The following TMEFF2 variants were observed in gnomAD, a reference collection of about 807,000 sequenced individuals.
The protein encoded by TMEFF2 is tomoregulin-2.
A neutral mutation model predicts 53.8 loss-of-function variants in TMEFF2; 28 were observed. The ratio of observed to expected loss-of-function variants is 0.52; its 90% CI spans 0.39 to 0.71. The LOEUF (loss-of-function observed/expected upper bound fraction) is 0.71, where lower values mean the gene tolerates loss of function less well. TMEFF2 is among the 30% of genes least tolerant of loss of function. TMEFF2 has a pLI of 0.00. For missense variants in TMEFF2, 353 were observed against 455.2 expected (o/e 0.78, Z 2.04); for synonymous variants, 162 against 166.3 (o/e 0.97, Z 0.20).
chr2:192,166,198 T>C (rs1690762480), intron 4 of TMEFF2, among the ~76,000 whole-genome samples: 1 of 152,130 alleles, frequency 6.6e-6, no homozygotes, highest in South Asian at 2.1e-4. Context: ...GCATTGACAT[T>C]GTTTGTCTTC....
intron 4 of TMEFF2, among the ~76,000 whole-genome samples, chr2:192,172,269 T>C (rs868335043): frequency 6.6e-6 from 1 of 151,922 alleles, no homozygotes; most frequent in African/African-American, 2.4e-5. Flanking sequence ...TCTTCCCTTC[T>C]GCAGATTCTG....
At chr2:192,058,503 A>G (rs890258426) in intron 4 of TMEFF2, among the ~76,000 whole-genome samples, 3 of 152,124 alleles carry the variant, frequency 2.0e-5, no homozygotes, top group African/African-American at 7.2e-5. Context: ...CCTCTAAATT[A>G]CAAGTGCAAA....
intron 7 of TMEFF2, among the ~76,000 whole-genome samples, chr2:191,996,070 A>G (rs1247114762): frequency 6.6e-6 from 1 of 151,966 alleles, no homozygotes; most frequent in Non-Finnish European, 1.5e-5. Context: ...ATTAGAGATA[A>G]TCTGTTTAAA....
At chr2:191,991,232 C>CTGT (rs1425163325) in intron 7 of TMEFF2, among the ~76,000 whole-genome samples, 23 of 152,118 alleles carry the variant, frequency 1.5e-4, no homozygotes, top group Admixed American at 3.9e-4. Context: ...TTGCAACAAG[C>CTGT]TGTTAGATGA....
rs1691800459 is a variant in TMEFF2, at chr2:191,949,394, A to G, written c.*917T>C. ...TTAGCCACAAAGCTATTCATGGGGT[A>G]TTGGTTGTGATTCTAACTTCTTTTC... On this transcript the variant is annotated 3_prime_UTR_variant, in exon 10 of 10. Coordinates refer to ENST00000272771, the MANE Select transcript of TMEFF2 (RefSeq NM_016192.4). 2.0e-6 allele frequency: 2 copies of G among 985,286 alleles called. No individual in the cohort carries two copies. Among genetic ancestry groups the G allele is most frequent in the South Asian group, 9.4e-5 (2 of 21,294 alleles). 61.0% of individuals were successfully genotyped at this position (985,286 alleles called of 1,614,324 possible).
chr2:192,019,013 G>C (rs1686802901), intron 5 of TMEFF2, among the ~76,000 whole-genome samples: 1 of 151,476 alleles, frequency 6.6e-6, no homozygotes, highest in South Asian at 2.1e-4. Flanking sequence ...TGTAATGCTT[G>C]GTGTTTAAAG....
At chr2:192,037,337 A>AAAGACAG (rs1559096581) in intron 5 of TMEFF2, among the ~76,000 whole-genome samples, 1 of 88,200 alleles carries the variant, frequency 1.1e-5, no homozygotes, top group East Asian at 4.9e-4. Flanking sequence ...AAGAAAGAAA[A>AAAGACAG]ACAGAAAACA....
At chr2:192,020,833 A>G (rs1031439507) in intron 5 of TMEFF2, among the ~76,000 whole-genome samples, 3 of 152,140 alleles carry the variant, frequency 2.0e-5, no homozygotes, top group Non-Finnish European at 2.9e-5. Flanking sequence ...CAAAGTATCA[A>G]TTATAATATA....
intron 5 of TMEFF2, among the ~76,000 whole-genome samples, chr2:192,018,738 T>A (rs987489194): frequency 6.6e-6 from 1 of 152,206 alleles, no homozygotes; most frequent in Admixed American, 6.5e-5. Flanking sequence ...TTTAAACATT[T>A]TAAATTCGTG....
At chr2:192,045,824 C>A (rs1227435215) in intron 5 of TMEFF2, among the ~76,000 whole-genome samples, 1 of 152,180 alleles carries the variant, frequency 6.6e-6, no homozygotes, top group Non-Finnish European at 1.5e-5. Flanking sequence ...ATGGAAGAGA[C>A]AGCAGTTTGT....
chr2:192,077,308 C>T (rs1009325338), intron 4 of TMEFF2, among the ~76,000 whole-genome samples: 1 of 152,024 alleles, frequency 6.6e-6, no homozygotes, highest in South Asian at 2.1e-4. Flanking sequence ...AAGAAAATGC[C>T]TCAAGTACTC....
intron 5 of TMEFF2, among the ~76,000 whole-genome samples, chr2:192,050,678 C>A (rs2105896071): frequency 6.6e-6 from 1 of 152,258 alleles, no homozygotes; most frequent in Non-Finnish European, 1.5e-5. Context: ...TGACCCTGGG[C>A]ATTGTTTAAT....
intron 4 of TMEFF2, among the ~76,000 whole-genome samples, chr2:192,111,687 T>C (rs1209712646): frequency 6.6e-6 from 1 of 152,094 alleles, no homozygotes; most frequent in East Asian, 1.9e-4. Flanking sequence ...ATGGGGAAAA[T>C]GTCTCCAGGG....
In TMEFF2 at chr2:192,160,005, G is replaced by C. The variant is rs150933811; in HGVS notation, c.439+19663C>G. On this transcript the variant is annotated intron_variant, in intron 4 of 9. Transcript: ENST00000272771. ...ATTTCCTTTGGCAACGAAATGAATA[G>C]ACTCTATTGCTGCCAGAGGTTTAGT... Among the ~76,000 whole-genome samples, 197 of 152,244 alleles carry C rather than the reference G, an allele frequency of 1.3e-3. 1 individual carries two copies. Among genetic ancestry groups the C allele is most frequent in the African/African-American group, 4.4e-3 (182 of 41,554 alleles).
chr2:192,109,290 A>G (rs1689222166), intron 4 of TMEFF2, among the ~76,000 whole-genome samples: 1 of 152,108 alleles, frequency 6.6e-6, no homozygotes, highest in Non-Finnish European at 1.5e-5. Context: ...TTTTTAAAAA[A>G]TCAGCAGACA....
intron 4 of TMEFF2, among the ~76,000 whole-genome samples, chr2:192,091,376 C>T (rs773100137): frequency 2.6e-5 from 4 of 152,104 alleles, no homozygotes; most frequent in Non-Finnish European, 5.9e-5. Context: ...TCAATACCCT[C>T]CTCCCCTGCC....
intron 5 of TMEFF2, among the ~76,000 whole-genome samples, chr2:192,055,924 G>A (rs572951237): frequency 1.3e-5 from 2 of 152,098 alleles, no homozygotes; most frequent in African/African-American, 2.4e-5. Context: ...TGTTTGACAG[G>A]CATGAAAACT....
chr2:192,130,066 C>T (rs1689777463), intron 4 of TMEFF2, among the ~76,000 whole-genome samples: 1 of 152,098 alleles, frequency 6.6e-6, no homozygotes, highest in African/African-American at 2.4e-5. Flanking sequence ...TTTTTAAAGA[C>T]TAAAACTGTC....
chr2:192,033,128 G>A (rs1687185570), intron 5 of TMEFF2, among the ~76,000 whole-genome samples: 1 of 152,156 alleles, frequency 6.6e-6, no homozygotes, highest in Non-Finnish European at 1.5e-5. Context: ...TTAAGTGTCT[G>A]CTTTGGAGTC....
Sources: gnomAD v4.1 joint callset for allele counts (sites outside exome capture counted in the v4.1 genomes callset) on GRCh38, gnomAD v4.1.1 for gene constraint, MANE v1.5 for transcripts, NCBI Gene and HGNC (gene_info 2026-07-23, HGNC 2026-07-21) for gene names.